The following MTFR1 variants were observed in gnomAD, a reference collection of about 807,000 sequenced individuals.
MTFR1 encodes the protein chondrocyte protein with a poly-proline region.
Under a neutral mutation model 38.8 loss-of-function variants are expected in MTFR1, and 28 were observed. The ratio of observed to expected loss-of-function variants is 0.72; its 90% CI spans 0.53 to 0.99. The LOEUF (loss-of-function observed/expected upper bound fraction) is 0.99. Among genes scored for constraint, MTFR1 ranks in the 50% least tolerant of loss-of-function variants. MTFR1 has a pLI of 0.00. For missense variants in MTFR1, 358 were observed against 395.5 expected, an observed-to-expected ratio of 0.91 and a Z score of 0.81; for synonymous variants, 145 against 137.0, an observed-to-expected ratio of 1.06 and a Z score of -0.41.
At chr8:65,675,753 C>T (rs958323386) in intron 2 of MTFR1, among the ~76,000 whole-genome samples, 1 of 152,124 alleles carries the variant, frequency 6.6e-6, no homozygotes, top group African/African-American at 2.4e-5. Flanking sequence ...GCAGTAAATT[C>T]GTAGAGGCTA....
chr8:65,690,318 C>T (rs1805233743), intron 3 of MTFR1, among the ~76,000 whole-genome samples: 1 of 151,944 alleles, frequency 6.6e-6, no homozygotes. Context: ...GTGGAACCCC[C>T]GAGCCCAGGA....
At chr8:65,744,086 G>A (rs112728899) in intron 3 of MTFR1, among the ~76,000 whole-genome samples, 16 of 152,258 alleles carry the variant, frequency 1.1e-4, no homozygotes, top group African/African-American at 3.9e-4. Context: ...ACCAGCCTTG[G>A]CCTGCCAAAG....
chr8:65,762,446 C>T (rs532087421), intron 3 of MTFR1, among the ~76,000 whole-genome samples: 8 of 152,288 alleles, frequency 5.3e-5, no homozygotes, highest in Non-Finnish European at 5.9e-5. Context: ...CAGCAAAGTA[C>T]ATGAGAACAC....
intron 3 of MTFR1, among the ~76,000 whole-genome samples, chr8:65,770,459 C>A (rs772544833): frequency 2.0e-5 from 3 of 152,098 alleles, no homozygotes; most frequent in Admixed American, 2.0e-4. Context: ...TTCACTACCA[C>A]GAGAACAGTA....
chr8:65,720,594 T>C (rs910354460), intron 3 of MTFR1: 4 of 154,216 alleles, frequency 2.6e-5, no homozygotes, highest in Admixed American at 6.5e-5. Flanking sequence ...ATGTACAATA[T>C]GTGCAATAAG....
At chr8:65,655,951 A>AATATATATATGTATATATATATATGT (rs1809244899) in intron 1 of MTFR1, among the ~76,000 whole-genome samples, 1 of 55,404 alleles carries the variant, frequency 1.8e-5, no homozygotes, top group African/African-American at 1.4e-4. Context: ...TAAAAAAAAA[A>AATATATATATGTATATATATATATGT]ATATATATAT....
chr8:65,750,660 T>C (rs1807903233), intron 3 of MTFR1, among the ~76,000 whole-genome samples: 1 of 152,196 alleles, frequency 6.6e-6, no homozygotes, highest in Non-Finnish European at 1.5e-5. Flanking sequence ...GGATACATAC[T>C]GTCAATGGTT....
intron 4 of MTFR1, among the ~76,000 whole-genome samples, chr8:65,702,653 GGTT>G (rs1202527826): frequency 6.6e-6 from 1 of 151,996 alleles, no homozygotes; most frequent in Non-Finnish European, 1.5e-5. Context: ...TACCTTTCAA[GGTT>G]GTTCTGTAAA....
intron 2 of MTFR1, among the ~76,000 whole-genome samples, chr8:65,678,678 A>G (rs1311837531): frequency 6.6e-6 from 1 of 152,136 alleles, no homozygotes; most frequent in Non-Finnish European, 1.5e-5. Flanking sequence ...AGACGATTAG[A>G]TCACCTGAGG....
intron 2 of MTFR1, among the ~76,000 whole-genome samples, chr8:65,676,853 A>G (rs1351981432): frequency 6.6e-6 from 1 of 152,100 alleles, no homozygotes; most frequent in African/African-American, 2.4e-5. Flanking sequence ...CTACAATAGC[A>G]TTTCACAATG....
At chr8:65,675,509 G>A (rs1804687040) in intron 2 of MTFR1, among the ~76,000 whole-genome samples, 1 of 148,662 alleles carries the variant, frequency 6.7e-6, no homozygotes, top group African/African-American at 2.5e-5. Flanking sequence ...TGAGGCAGGA[G>A]AATGGCGTGA....
chr8:65,706,276 G>A (rs1401851428), intron 5 of MTFR1, among the ~76,000 whole-genome samples: 1 of 152,102 alleles, frequency 6.6e-6, no homozygotes, highest in Non-Finnish European at 1.5e-5. Context: ...AGATAATTTT[G>A]AAGCTCTATT....
At chr8:65,748,857 C>T (rs574569553) in intron 3 of MTFR1, among the ~76,000 whole-genome samples, 23 of 152,254 alleles carry the variant, frequency 1.5e-4, no homozygotes, top group South Asian at 2.1e-4. Flanking sequence ...GTAGCCATGT[C>T]GAGGGTGGTA....
chr8:65,670,712 T>TG (rs1804545404), intron 2 of MTFR1, among the ~76,000 whole-genome samples: 1 of 151,936 alleles, frequency 6.6e-6, no homozygotes, highest in Admixed American at 6.6e-5. Context: ...GTATACTTTT[T>TG]TTTTTTTTTG....
chr8:65,778,472 T>A, the MTFR1 span, among the ~76,000 whole-genome samples: 2 of 152,114 alleles, frequency 1.3e-5, no homozygotes, highest in African/African-American at 4.8e-5. Flanking sequence ...TTTTAAGCTG[T>A]CTGAACCATT....
intron 2 of MTFR1, among the ~76,000 whole-genome samples, chr8:65,675,425 C>G (rs1015822838): frequency 6.6e-6 from 1 of 152,130 alleles, no homozygotes; most frequent in Admixed American, 6.6e-5. Flanking sequence ...GAAACCCCAT[C>G]TCTACTAAAA....
rs1804519266 is a variant in MTFR1 at position 65,669,902 on chromosome 8, A to G, written c.-51A>G. The G allele has an allele frequency of 4.2e-6, 6 of 1,422,598 alleles. No individual in the cohort carries two copies. In the South Asian group the frequency reaches 4.8e-5, roughly 11 times the overall value. The allele number at this position is 1,422,598 out of a possible 1,614,324, so 88.1% of individuals were successfully genotyped here. ...TTTTATGGACCATGTGCTGCTATGT[A>G]TGCCTGAAGAAGTACTTGAAATGCA... On this transcript the variant is annotated 5_prime_UTR_variant, in exon 2 of 8. It removes an upstream start codon present in the reference 5' UTR. Coordinates refer to ENST00000262146, the MANE Select transcript of MTFR1 (RefSeq NM_014637.4).
At chr8:65,713,536 G>T (rs540284482), downstream of MTFR1, among the ~76,000 whole-genome samples, 1 of 151,618 alleles carries the variant, frequency 6.6e-6, no homozygotes, top group Non-Finnish European at 1.5e-5. Context: ...CATCCTATCA[G>T]ACTTTAAGGT....
At chr8:65,655,733 T>C (rs1585743168) in intron 1 of MTFR1, among the ~76,000 whole-genome samples, 2 of 151,524 alleles carry the variant, frequency 1.3e-5, no homozygotes, top group Admixed American at 6.6e-5. Context: ...GTAGATAACC[T>C]GAGGTCAGGA....
Sources: gnomAD v4.1 joint callset for allele counts (sites outside exome capture counted in the v4.1 genomes callset) on GRCh38, gnomAD v4.1.1 for gene constraint, MANE v1.5 for transcripts, NCBI Gene and HGNC (gene_info 2026-07-23, HGNC 2026-07-21) for gene names.